Variants in SENP2 observed in about 807,000 individuals in gnomAD.
SENP2 encodes sentrin-specific protease 2.
SENP2 carries 16 observed loss-of-function variants against 86.3 expected under a neutral mutation model. The ratio of observed to expected loss-of-function variants is 0.19; its 90% CI spans 0.13 to 0.28. The LOEUF (loss-of-function observed/expected upper bound fraction) is 0.28. Among genes scored for constraint, SENP2 ranks in the 10% least tolerant of loss-of-function variants. The probability of loss-of-function intolerance (pLI) is 1.00; values close to 1 mark genes in which losing one functional copy is unlikely to be tolerated. For missense variants in SENP2, 552 were observed against 703.0 expected (o/e 0.79, Z 2.43); for synonymous variants, 222 against 238.7 (o/e 0.93, Z 0.64).
intron 7 of SENP2, among the ~76,000 whole-genome samples, chr3:185,610,276 T>A (rs944200161): frequency 1.3e-5 from 2 of 149,644 alleles, no homozygotes; most frequent in African/African-American, 4.9e-5. Context: ...TTATCCTGCC[T>A]CAGCCTCCTG....
chr3:185,626,407 C>T lies in SENP2; in HGVS notation c.1707+14C>T, dbSNP rs1382771140. Reference sequence around the variant, plus strand: ...ACATTTACTCAGGTGAGTGAAGACCCTCTTCATCCATTTACTTGTTACTAA... The same window carrying T: ...ACATTTACTCAGGTGAGTGAAGACCTTCTTCATCCATTTACTTGTTACTAA... On this transcript the variant is annotated intron_variant, in intron 16 of 16. Coordinates refer to ENST00000296257, the MANE Select transcript of SENP2 (RefSeq NM_021627.3). 2 of 1,534,644 alleles carry T rather than the reference C, an allele frequency of 1.3e-6. No homozygotes were observed. The highest frequency in any genetic ancestry group is 1.8e-6 in the Non-Finnish European group (2 of 1,110,190).
Position 185,590,137 on chromosome 3 carries a change from C to A in SENP2, c.125C>A (p.Thr42Asn). 6.5e-7 allele frequency: 1 copy of A among 1,550,170 alleles called. No individual in the cohort carries two copies. Among genetic ancestry groups the A allele is most frequent in the Non-Finnish European group, 8.7e-7 (1 of 1,147,506 alleles). Residue 42 changes from threonine (T) to asparagine (N), a missense_variant, in exon 2 of 17, where the codon ACT becomes AAT. Thr to Asn is a moderately conservative substitution (Grantham distance 65). This residue lies in a region of SENP2 where 383 missense variants were observed against 427.3 expected (regional missense o/e 0.90). Transcript: ENST00000296257. ...AGCACTCTGTTTTCTACAGTGGACACTGATGAAATACCAGCCAAAAGACCA... is the reference window on the plus strand; with the variant it reads ...AGCACTCTGTTTTCTACAGTGGACAATGATGAAATACCAGCCAAAAGACCA... ...SDSTLFSTVD[T>N]DEIPAKRPRL...
chr3:185,624,857 G>T (rs1189823579), intron 15 of SENP2, among the ~76,000 whole-genome samples: 21 of 144,796 alleles, frequency 1.5e-4, no homozygotes, highest in South Asian at 6.5e-4. Flanking sequence ...AACAGAGCGA[G>T]ACTGTCTCAA....
intron 12 of SENP2, among the ~76,000 whole-genome samples, chr3:185,618,819 C>G (rs1340613616): frequency 6.6e-6 from 1 of 152,066 alleles, no homozygotes; most frequent in Non-Finnish European, 1.5e-5. Flanking sequence ...GCAGAGCTTG[C>G]AGTGAGCCGA....
In SENP2 at chr3:185,631,428, C is replaced by CACCCCCTTCCACT. The variant is rs1712451199; in HGVS notation, c.*1584_*1585insACCCCCTTCCACT. The stretch of plus-strand genomic sequence containing the variant: ...GGAGCAGGTTGTACCACACCTCTCC[C>CACCCCCTTCCACT]CCCCCCCTCCCACTCCCCCTCCCTC... On this transcript the variant is annotated 3_prime_UTR_variant, in exon 17 of 17. Transcript: ENST00000296257. 1 of 39,690 alleles carries CACCCCCTTCCACT rather than the reference C, an allele frequency of 2.5e-5. No individual in the cohort carries two copies. The highest frequency in any genetic ancestry group is 9.8e-4 in the East Asian group (1 of 1,018). 2.5% of individuals were successfully genotyped at this position (39,690 alleles called of 1,614,324 possible). A position where few individuals can be genotyped will look rare whatever the true frequency, so the allele number is the denominator to read the frequency against.
At chr3:185,615,224 T>C (rs34965813) in intron 11 of SENP2, among the ~76,000 whole-genome samples, 57,993 of 152,100 alleles carry the variant, frequency 0.38, 11,295 homozygotes, top group South Asian at 0.56. Flanking sequence ...TCCTCCACAA[T>C]GTTGCCCTAG....
intron 14 of SENP2, among the ~76,000 whole-genome samples, chr3:185,623,113 G>T: frequency 6.6e-6 from 1 of 151,726 alleles, no homozygotes; most frequent in Middle Eastern, 3.2e-3. Flanking sequence ...CACCGTGCCC[G>T]GTGGTCTTTG....
At position 185,631,241 on chromosome 3, in the gene SENP2, C is replaced by T. The variant is rs1055751448; in HGVS notation, c.*1397C>T. The stretch of plus-strand genomic sequence containing the variant: ...TACACGCCTGCCATTTGCAGTGCTC[C>T]GGCTGCTGGTCCCAGAGGTATACTG... On this transcript the variant is annotated 3_prime_UTR_variant, in exon 17 of 17. Transcript: ENST00000296257. 3.9e-5 allele frequency: 6 copies of T among 152,032 alleles called. No homozygotes were observed. The highest frequency in any genetic ancestry group is 5.9e-5 in the Non-Finnish European group (4 of 68,020). 9.4% of individuals were successfully genotyped at this position (152,032 alleles called of 1,614,324 possible). A position where few individuals can be genotyped will look rare whatever the true frequency, so the allele number is the denominator to read the frequency against.
At chr3:185,588,291 C>T (rs973766670) in intron 1 of SENP2, among the ~76,000 whole-genome samples, 1 of 151,744 alleles carries the variant, frequency 6.6e-6, no homozygotes, top group Non-Finnish European at 1.5e-5. Flanking sequence ...AGGATCCGCC[C>T]GTCTCGGTCT....
chr3:185,595,395 C>A (rs908431809), intron 2 of SENP2, among the ~76,000 whole-genome samples: 1 of 152,188 alleles, frequency 6.6e-6, no homozygotes, highest in Non-Finnish European at 1.5e-5. Flanking sequence ...ACCTGGAATT[C>A]TCTGATTCCT....
intron 6 of SENP2, 100 bp from the exon 7 acceptor site, chr3:185,609,147 C>A: frequency 2.8e-6 from 2 of 710,566 alleles, no homozygotes; most frequent in Non-Finnish European, 4.7e-6. Flanking sequence ...ATATTAAAAA[C>A]ATAGTGCTGG....
intron 16 of SENP2, among the ~76,000 whole-genome samples, chr3:185,628,895 C>T (rs144151983): frequency 6.6e-6 from 1 of 152,268 alleles, no homozygotes; most frequent in Non-Finnish European, 1.5e-5. Flanking sequence ...TTGCAAATTG[C>T]CCATGTAGTG....
intron 10 of SENP2, among the ~76,000 whole-genome samples, chr3:185,613,977 T>C (rs1283820854): frequency 6.6e-6 from 1 of 152,146 alleles, no homozygotes; most frequent in African/African-American, 2.4e-5. Context: ...ACCTACATTT[T>C]ATGGCTTCTT....
At chr3:185,588,911 C>T (rs896029505) in intron 1 of SENP2, among the ~76,000 whole-genome samples, 1 of 152,072 alleles carries the variant, frequency 6.6e-6, no homozygotes, top group Non-Finnish European at 1.5e-5. Flanking sequence ...CATGGTTTGG[C>T]GATCAAAACC....
At chr3:185,607,539 A>T (rs1722558117) in intron 6 of SENP2, among the ~76,000 whole-genome samples, 1 of 151,846 alleles carries the variant, frequency 6.6e-6, no homozygotes, top group Non-Finnish European at 1.5e-5. Flanking sequence ...CACGTTGGCC[A>T]GTCTGGTCTC....
At chr3:185,592,274 A>G (rs1439815981) in intron 2 of SENP2, among the ~76,000 whole-genome samples, 1 of 151,476 alleles carries the variant, frequency 6.6e-6, no homozygotes, top group African/African-American at 2.4e-5. Flanking sequence ...CTGAGTCTCC[A>G]TATGTTGCCC....
intron 7 of SENP2, among the ~76,000 whole-genome samples, chr3:185,610,114 T>C: frequency 6.7e-6 from 1 of 149,822 alleles, no homozygotes; most frequent in Non-Finnish European, 1.5e-5. Flanking sequence ...AATTATATAA[T>C]AGCAAATCGA....
chr3:185,622,134 A>C (rs570151668), intron 14 of SENP2, among the ~76,000 whole-genome samples: 1 of 152,330 alleles, frequency 6.6e-6, no homozygotes, highest in East Asian at 1.9e-4. Context: ...TCTTATTAGA[A>C]TCCTGTGACT....
intron 14 of SENP2, among the ~76,000 whole-genome samples, chr3:185,622,814 ATGCT>A (rs201087781): frequency 5.5e-5 from 7 of 128,266 alleles, no homozygotes; most frequent in African/African-American, 2.1e-4. Flanking sequence ...TATTACATTC[ATGCT>A]TTTTTTTTTT....
Sources: allele counts gnomAD v4.1 joint callset (sites outside exome capture counted in the v4.1 genomes callset), GRCh38; gene constraint gnomAD v4.1.1; regional missense constraint gnomAD v4.1.1; transcripts MANE v1.5; gene names NCBI Gene and HGNC (gene_info 2026-07-23, HGNC 2026-07-21).